The following MEF2D variants were observed in gnomAD, a reference collection of about 807,000 sequenced individuals.
MEF2D encodes myocyte enhancer factor 2D, also known as myocyte-specific enhancer factor 2D.
In MEF2D, 10 loss-of-function variants were observed where a neutral mutation model predicts 59.3. That is an observed-to-expected ratio of 0.17 (90% CI 0.10 to 0.29). The LOEUF (loss-of-function observed/expected upper bound fraction) is 0.29, where lower values mean the gene tolerates loss of function less well. Among genes scored for constraint, MEF2D ranks in the 10% least tolerant of loss-of-function variants. The pLI, the probability that MEF2D is intolerant of heterozygous loss-of-function variation, is 1.00. For missense variants in MEF2D, 508 were observed against 699.4 expected, an observed-to-expected ratio of 0.73 and a Z score of 3.09; for synonymous variants, 305 against 295.0, an observed-to-expected ratio of 1.03 and a Z score of -0.35.
At chr1:156,476,657 C>G (rs1383528244) in intron 7 of MEF2D, 143 bp from the exon 8 acceptor site, 1 of 987,182 alleles carries the variant, frequency 1.0e-6, no homozygotes, top group Non-Finnish European at 1.6e-6. Context: ...GAGCTCTCCA[C>G]CGTCCTGACT....
chr1:156,475,341 G>A, intron 8 of MEF2D, 104 bp from the exon 9 acceptor site: 2 of 1,414,250 alleles, frequency 1.4e-6, no homozygotes, highest in South Asian at 2.9e-5. Flanking sequence ...CCAAAGCCAA[G>A]GCGGGGTGCC....
In MEF2D at chr1:156,468,251, G is replaced by T; in HGVS notation, c.1296C>A (p.Thr432=). 1.3e-6 allele frequency: 2 copies of T among 1,591,298 alleles called. No homozygotes were observed. Among genetic ancestry groups the T allele is most frequent in the Non-Finnish European group, 1.7e-6 (2 of 1,166,340 alleles). ...CTGACTTGATGCTGATGTGGGGGTG[G>T]GTGGTGACTGTGAGGGCAGCACCCA... ...PHVGAALTVT[T]HPHISIKSEP... The change falls in exon 11 of 12, where the codon ACC becomes ACA. Residue 432 remains threonine, a synonymous_variant. Transcript: ENST00000348159. The surrounding 1 kb of genome is among the most constrained non-coding windows in gnomAD (Gnocchi z 4.3).
intron 1 of MEF2D, among the ~76,000 whole-genome samples, chr1:156,487,795 C>T (rs753435712): frequency 1.4e-4 from 22 of 152,344 alleles, no homozygotes; most frequent in Non-Finnish European, 2.5e-4. Flanking sequence ...GTGAGTCTCT[C>T]CTCTCCAGCC....
rs1200949159 is a variant in MEF2D, at chr1:156,464,539, G to A, written c.*3106C>T. The stretch of plus-strand genomic sequence containing the variant: ...ATTAGATGACTCCAGTGGTTACTTT[G>A]GCAAATGCCCAGTTCTTCAGAGGGA... On this transcript the variant is annotated 3_prime_UTR_variant, in exon 12 of 12. Coordinates refer to ENST00000348159, the MANE Select transcript of MEF2D (RefSeq NM_005920.4). The A allele has an allele frequency of 6.6e-6, 1 of 152,106 alleles. No individual in the cohort carries two copies. Among genetic ancestry groups the A allele is most frequent in the East Asian group, 1.9e-4 (1 of 5,188 alleles). The allele number at this position is 152,106 out of a possible 1,614,324, so 9.4% of individuals were successfully genotyped here.
intron 8 of MEF2D, among the ~76,000 whole-genome samples, chr1:156,475,748 C>A (rs1276538475): frequency 6.6e-6 from 1 of 152,250 alleles, no homozygotes; most frequent in African/African-American, 2.4e-5. Flanking sequence ...CATGCTGGGG[C>A]CGAAACTGCC....
At chr1:156,482,768 T>C in intron 2 of MEF2D, 128 bp from the exon 3 acceptor site, 3 of 840,828 alleles carry the variant, frequency 3.6e-6, no homozygotes, top group Non-Finnish European at 5.7e-6. Flanking sequence ...ACACAGCCCC[T>C]GGTCTCAGGA....
intron 1 of MEF2D, among the ~76,000 whole-genome samples, chr1:156,487,179 C>CT (rs1173146358): frequency 1.3e-5 from 2 of 152,228 alleles, no homozygotes; most frequent in Non-Finnish European, 2.9e-5. Context: ...ACCGCCCCCC[C>CT]CACCCCCGCC....
At chr1:156,475,335 A>G in intron 8 of MEF2D, 98 bp from the exon 9 acceptor site, 1 of 1,431,334 alleles carries the variant, frequency 7.0e-7, no homozygotes, top group Non-Finnish European at 9.3e-7. Context: ...TGAATCCCAA[A>G]GCCAAGGCGG....
intron 1 of MEF2D, among the ~76,000 whole-genome samples, chr1:156,497,182 C>T (rs1408477602): frequency 6.6e-6 from 1 of 152,252 alleles, no homozygotes; most frequent in African/African-American, 2.4e-5. Context: ...GCTTCTAGAA[C>T]ACAGCTTCTA....
Position 156,483,403 on chromosome 1 carries a change from G to T in MEF2D, c.-111C>A, listed in dbSNP as rs371571064. ...GTCTGGGAACAGTGCTCAGTTCATG[G>T]TCTGCAGGATACCTTCTGCACAGCC... is the stretch of plus-strand genomic sequence containing the variant. On this transcript the variant is annotated 5_prime_UTR_variant, in exon 2 of 12. Transcript: ENST00000348159. The T allele has an allele frequency of 9.5e-7, 1 of 1,049,488 alleles. No homozygotes were observed. Among genetic ancestry groups the T allele is most frequent in the African/African-American group, 1.6e-5 (1 of 64,032 alleles). The allele number at this position is 1,049,488 out of a possible 1,614,324, so 65.0% of individuals were successfully genotyped here. A position where few individuals can be genotyped will look rare whatever the true frequency, so the allele number is the denominator to read the frequency against.
Position 156,500,538 on chromosome 1 carries a change from C to T in MEF2D, c.-191G>A, listed in dbSNP as rs1188351574. ...ACGGCAAAGAGCGGGTAGCCCTCGC[C>T]CCTGGTCCGGGGGATCTTCAACACC... On this transcript the variant is annotated 5_prime_UTR_variant, in exon 1 of 12. Transcript: ENST00000348159. The T allele has an allele frequency of 1.3e-4, 20 of 152,236 alleles. No individual in the cohort carries two copies. The highest frequency in any genetic ancestry group is 1.3e-3 in the Admixed American group (20 of 15,290). 9.4% of individuals were successfully genotyped at this position (152,236 alleles called of 1,614,324 possible). A position where few individuals can be genotyped will look rare whatever the true frequency, so the allele number is the denominator to read the frequency against.
intron 6 of MEF2D, among the ~76,000 whole-genome samples, chr1:156,478,556 G>C (rs1350290068): frequency 6.6e-6 from 1 of 152,080 alleles, no homozygotes; most frequent in Non-Finnish European, 1.5e-5. Context: ...TTGAGACGGA[G>C]TTTCGCTCCT....
chr1:156,481,593 T>C (rs907742264), intron 3 of MEF2D, among the ~76,000 whole-genome samples: 1 of 152,234 alleles, frequency 6.6e-6, no homozygotes, highest in African/African-American at 2.4e-5. Flanking sequence ...AGCTGCCCTC[T>C]TCATGCTCAA....
intron 9 of MEF2D, among the ~76,000 whole-genome samples, chr1:156,473,406 G>A (rs113131569): frequency 0.028 from 4,327 of 152,230 alleles, 204 homozygotes; most frequent in African/African-American, 0.099. Flanking sequence ...TTGGGGAAGG[G>A]GGAGAAGTTT....
intron 1 of MEF2D, among the ~76,000 whole-genome samples, chr1:156,498,968 G>A (rs1673310278): frequency 6.6e-6 from 1 of 152,208 alleles, no homozygotes; most frequent in Non-Finnish European, 1.5e-5. Flanking sequence ...CCTGGGGCGG[G>A]TGTGACCCCG....
At position 156,465,670 on chromosome 1, in the gene MEF2D, GCAAT is replaced by G. The variant is rs1328498035; in HGVS notation, c.*1971_*1974del. On this transcript the variant is annotated 3_prime_UTR_variant, in exon 12 of 12. Coordinates refer to ENST00000348159, the MANE Select transcript of MEF2D (RefSeq NM_005920.4). Reference sequence around the variant, plus strand: ...CACATAAATACAAAAGTACACCCGTGCAATCAGACATACACACACACACACACAT... The same window carrying G: ...CACATAAATACAAAAGTACACCCGTGCAGACATACACACACACACACACAT... The G allele has an allele frequency of 3.3e-5, 5 of 151,896 alleles. No homozygotes were observed. The highest frequency in any genetic ancestry group is 1.9e-4 in the East Asian group (1 of 5,166). The allele number at this position is 151,896 out of a possible 1,614,324, so 9.4% of individuals were successfully genotyped here.
chr1:156,470,270 A>G (rs979608446), intron 9 of MEF2D, among the ~76,000 whole-genome samples: 4 of 151,936 alleles, frequency 2.6e-5, no homozygotes, highest in Non-Finnish European at 5.9e-5. Flanking sequence ...AAATACAAAA[A>G]ATTAGCCAGG....
rs1004739487 is a variant in MEF2D at position 156,468,570 on chromosome 1, G to T, written c.1247+210C>A. Among the ~76,000 whole-genome samples the T allele has an allele frequency of 7.2e-5, 11 of 152,122 alleles. No individual in the cohort carries two copies. The highest frequency in any genetic ancestry group is 2.6e-4 in the Admixed American group (4 of 15,282). On this transcript the variant is annotated intron_variant, in intron 10 of 11. Coordinates refer to ENST00000348159, the MANE Select transcript of MEF2D (RefSeq NM_005920.4). This position sits in a 1 kb window ranked among gnomAD's most constrained non-coding sequence, Gnocchi z 4.3. Reference sequence around the variant, plus strand: ...CCCCACCTCCCACCCCCTACCCTGGGGCTGGCTCTCAGAAGGGGTTCAGGG... The same window carrying T: ...CCCCACCTCCCACCCCCTACCCTGGTGCTGGCTCTCAGAAGGGGTTCAGGG...
chr1:156,477,331 C>T, intron 6 of MEF2D, 129 bp from the exon 7 acceptor site: 1 of 713,814 alleles, frequency 1.4e-6, no homozygotes, highest in Non-Finnish European at 2.3e-6. Context: ...TGAGTGGGGG[C>T]TGAGCTATCT....
Sources: allele counts gnomAD v4.1 joint callset (sites outside exome capture counted in the v4.1 genomes callset), GRCh38; gene constraint gnomAD v4.1.1; non-coding constraint Gnocchi (gnomAD v3.1); transcripts MANE v1.5; gene names NCBI Gene and HGNC (gene_info 2026-07-23, HGNC 2026-07-21).